UTP4: variants seen among roughly 807,000 people sequenced by gnomAD.
UTP4 encodes U3 small nucleolar RNA-associated protein 4 homolog.
Under a neutral mutation model 82.4 loss-of-function variants are expected in UTP4, and 45 were observed. The observed-to-expected ratio is 0.55, with a 90% CI of 0.43 to 0.70. The LOEUF is 0.70. UTP4 is among the 30% of genes least tolerant of loss of function. UTP4 has a pLI of 0.00. For missense variants in UTP4, 819 were observed against 858.3 expected (o/e 0.95, Z 0.57); for synonymous variants, 348 against 300.3 (o/e 1.16, Z -1.64).
chr16:69,151,152 A>G (rs1963252658), intron 8 of UTP4, among the ~76,000 whole-genome samples: 2 of 151,120 alleles, frequency 1.3e-5, no homozygotes, highest in South Asian at 4.2e-4. Context: ...GATTACAGGC[A>G]TGCGCCACCG....
At chr16:69,146,666 G>C (rs1157537990) in intron 6 of UTP4, among the ~76,000 whole-genome samples, 2 of 151,632 alleles carry the variant, frequency 1.3e-5, no homozygotes, top group Non-Finnish European at 2.9e-5. Context: ...TTCGAGACCA[G>C]CCTGGCCAGT....
Position 69,157,065 on chromosome 16 carries a change from A to C in UTP4, c.1288-19A>C. 6.2e-7 allele frequency: 1 copy of C among 1,614,078 alleles called. No homozygotes were observed. The highest frequency in any genetic ancestry group is 8.5e-7 in the Non-Finnish European group (1 of 1,179,956). On this transcript the variant is annotated intron_variant, in intron 11 of 16. Coordinates refer to ENST00000314423, the MANE Select transcript of UTP4 (RefSeq NM_032830.3). ...GGTCTCCCTTCTCTCACTGGCTTTT[A>C]TTATTGGTTCACCCAAAGGTTTCCA...
chr16:69,159,676 G>A (rs1481567770), intron 12 of UTP4, among the ~76,000 whole-genome samples: 1 of 151,064 alleles, frequency 6.6e-6, no homozygotes, highest in East Asian at 2.0e-4. Flanking sequence ...AACAGAGTGA[G>A]ACTCCGTCTA....
At chr16:69,139,276 T>C (rs1463156364) in intron 4 of UTP4, among the ~76,000 whole-genome samples, 1 of 152,052 alleles carries the variant, frequency 6.6e-6, no homozygotes, top group Non-Finnish European at 1.5e-5. Flanking sequence ...CTGGGTGTTC[T>C]TTCTCAATTA....
chr16:69,150,831 T>A lies in UTP4; in HGVS notation c.929T>A (p.Val310Asp). The A allele has an allele frequency of 6.2e-7, 1 of 1,614,106 alleles. No homozygotes were observed. Among genetic ancestry groups the A allele is most frequent in the Non-Finnish European group, 8.5e-7 (1 of 1,180,004 alleles). Residue 310 changes from valine to aspartate, a missense_variant, in exon 8 of 17, where the codon GTC (valine) becomes GAC (aspartate). Transcript: ENST00000314423. The part of the protein sequence containing the change: ...LISGGTDTHL[V>D]FRPLMEKVEV... ...TTCCCAGGCACTGACACCCACTTAG[T>A]CTTTCGTCCTCTCATGGAGAAGGTG...
At position 69,165,449 on chromosome 16, in the gene UTP4, A is replaced by G. The variant is rs1567383447; in HGVS notation, c.1756A>G (p.Ile586Val). 1 of 1,613,982 alleles carries G rather than the reference A, an allele frequency of 6.2e-7. No individual in the cohort carries two copies. ...CCAAAGGGATACTCCTATCACACAC[A>G]TCAGTTTTCATCCCAAGAGACCGAT... ...WLQRDTPITH[I>V]SFHPKRPMHI... Residue 586 changes from isoleucine (I) to valine (V), a missense_variant, in exon 15 of 17, where the codon ATC (isoleucine) becomes GTC (valine). Transcript: ENST00000314423.
intron 8 of UTP4, among the ~76,000 whole-genome samples, chr16:69,151,644 A>G (rs984174474): frequency 3.4e-5 from 5 of 146,798 alleles, no homozygotes; most frequent in African/African-American, 1.3e-4. Context: ...TTTTTTAACC[A>G]TCTGGGACAT....
chr16:69,151,263 T>C (rs895216053), intron 8 of UTP4, among the ~76,000 whole-genome samples: 3 of 151,522 alleles, frequency 2.0e-5, no homozygotes, highest in African/African-American at 4.8e-5. Flanking sequence ...CGCCTCAGCC[T>C]CCCAAAGTGC....
chr16:69,168,863 G>A lies in UTP4; in HGVS notation c.1987G>A (p.Ala663Thr), dbSNP rs1963770116. Residue 663 changes from alanine (A) to threonine (T), a missense_variant, in exon 17 of 17, where the codon GCA becomes ACA. By Grantham distance (58) the Ala-to-Thr change is moderately conservative (BLOSUM62 0). Coordinates refer to ENST00000314423, the MANE Select transcript of UTP4 (RefSeq NM_032830.3). ...MDLLDERTLV[A>T]VERPLDDIIA... ...TCTTTTGGATGAAAGAACACTCGTGGCAGTAGAACGGCCTCTGGATGACAT... is the reference window on the plus strand; with the variant it reads ...TCTTTTGGATGAAAGAACACTCGTGACAGTAGAACGGCCTCTGGATGACAT... The A allele has an allele frequency of 6.2e-7, 1 of 1,613,874 alleles. No individual in the cohort carries two copies.
chr16:69,141,903 A>ATG (rs1411836672), intron 5 of UTP4, among the ~76,000 whole-genome samples: 1 of 151,696 alleles, frequency 6.6e-6, no homozygotes, highest in East Asian at 1.9e-4. Context: ...TTAGTTACAT[A>ATG]TGTATACATG....
At chr16:69,147,001 C>CAAAAAAAAAAAAAAAAAAAAAAA (rs71148965) in intron 6 of UTP4, among the ~76,000 whole-genome samples, 3 of 85,786 alleles carry the variant, frequency 3.5e-5, no homozygotes, top group Non-Finnish European at 7.0e-5. Context: ...GACTCTGCCT[C>CAAAAAAAAAAAAAAAAAAAAAAA]AAAAAAAAAA....
intron 15 of UTP4, chr16:69,165,833 C>T (rs545769779): frequency 2.0e-6 from 1 of 493,406 alleles, no homozygotes; most frequent in African/African-American, 1.9e-5. Context: ...GTGATTAGGC[C>T]AGTATTCGGA....
At chr16:69,153,717 GGA>G (rs768585959) in intron 9 of UTP4, 37 bp downstream of exon 9, 7 of 1,354,716 alleles carry the variant, frequency 5.2e-6, no homozygotes, top group East Asian at 2.3e-5. Context: ...TAAGAAAACT[GGA>G]GAGAGAAGCC....
At position 69,140,056 on chromosome 16, in the gene UTP4, A is replaced by T. The variant is rs372706905; in HGVS notation, c.526+142A>T. ...TAATCTTCTGAGATGTCCACAATTA[A>T]TTTTACTCCTTTCTTGGATTACTAC... On this transcript the variant is annotated intron_variant, in intron 5 of 16. Coordinates refer to ENST00000314423, the MANE Select transcript of UTP4 (RefSeq NM_032830.3). 18 of 721,798 alleles carry T rather than the reference A, an allele frequency of 2.5e-5. No homozygotes were observed. In the East Asian group the frequency reaches 4.4e-4, roughly 18 times the overall value. 44.7% of individuals were successfully genotyped at this position (721,798 alleles called of 1,614,324 possible).
chr16:69,139,259 A>C (rs1038511861), intron 4 of UTP4: 1 of 151,874 alleles, frequency 6.6e-6, no homozygotes, highest in Non-Finnish European at 1.5e-5. Context: ...GAGCAACTGC[A>C]CCCGGCCTGG....
intron 3 of UTP4, among the ~76,000 whole-genome samples, 175 bp downstream of exon 3, chr16:69,137,062 T>C (rs1597132786): frequency 6.6e-6 from 1 of 152,334 alleles, no homozygotes; most frequent in South Asian, 2.1e-4. Flanking sequence ...TTGCTACTAG[T>C]CTGGACCTTG....
chr16:69,155,061 A>G (rs1191665153), intron 10 of UTP4, among the ~76,000 whole-genome samples: 1 of 151,804 alleles, frequency 6.6e-6, no homozygotes, highest in East Asian at 1.9e-4. Flanking sequence ...AAAAGGGTAT[A>G]CAATGAAAAA....
At chr16:69,157,363 CAT>C in intron 12 of UTP4, 123 bp downstream of exon 12, 1 of 960,690 alleles carries the variant, frequency 1.0e-6, no homozygotes, top group Non-Finnish European at 1.6e-6. Flanking sequence ...CACTCACTCA[CAT>C]GTTTGCTGTT....
intron 5 of UTP4, 67 bp from the exon 6 acceptor site, chr16:69,143,111 G>A (rs538357729): frequency 7.1e-6 from 11 of 1,543,384 alleles, no homozygotes; most frequent in Admixed American, 3.3e-5. Flanking sequence ...TTCCACTTTG[G>A]CCGCAGGCAG....
Sources: gnomAD v4.1 joint callset for allele counts (sites outside exome capture counted in the v4.1 genomes callset) on GRCh38, gnomAD v4.1.1 for gene constraint, MANE v1.5 for transcripts, NCBI Gene and HGNC (gene_info 2026-07-23, HGNC 2026-07-21) for gene names.